The following NRXN3 variants were observed in gnomAD, a reference collection of about 807,000 sequenced individuals.
NRXN3 encodes the protein neurexin III.
In NRXN3, 32 loss-of-function variants were observed where a neutral mutation model predicts 137.6. That is an observed-to-expected ratio of 0.23 (90% CI 0.18 to 0.31). The LOEUF (loss-of-function observed/expected upper bound fraction) is 0.31, where lower values mean the gene tolerates loss of function less well. Among genes scored for constraint, NRXN3 ranks in the 10% least tolerant of loss-of-function variants. The probability of loss-of-function intolerance (pLI) is 1.00; values close to 1 mark genes in which losing one functional copy is unlikely to be tolerated. For synonymous variants in NRXN3, 798 were observed against 784.5 expected, an observed-to-expected ratio of 1.02 and a Z score of -0.29; for missense variants, 1,574 against 2,062.5, an observed-to-expected ratio of 0.76 and a Z score of 4.59.
intron 16 of NRXN3, among the ~76,000 whole-genome samples, chr14:79,644,638 C>T (rs2098445993): frequency 7.4e-6 from 1 of 135,948 alleles, no homozygotes. Context: ...TGAAATGAAG[C>T]ATTTACTACT....
intron 20 of NRXN3, among the ~76,000 whole-genome samples, chr14:79,851,345 T>C (rs964022145): frequency 9.9e-5 from 15 of 152,124 alleles, no homozygotes. Flanking sequence ...CAAGGGTTTT[T>C]CTTTTTCTAT....
At chr14:79,016,246 C>A (rs7142821) in intron 15 of NRXN3, among the ~76,000 whole-genome samples, 100,219 of 151,726 alleles carry the variant, frequency 0.66, 33,512 homozygotes, top group East Asian at 0.81. Flanking sequence ...TACACCTGGG[C>A]CATCCTTTTC....
chr14:78,549,504 GAGA>G (rs933400809), intron 4 of NRXN3, among the ~76,000 whole-genome samples: 1 of 152,172 alleles, frequency 6.6e-6, no homozygotes, highest in Non-Finnish European at 1.5e-5. Flanking sequence ...AGTGCTGTTT[GAGA>G]TAATTATCTG....
At chr14:78,287,005 G>A (rs2075251681) in intron 3 of NRXN3, among the ~76,000 whole-genome samples, 1 of 152,198 alleles carries the variant, frequency 6.6e-6, no homozygotes, top group Admixed American at 6.5e-5. Context: ...TGAGAGCAGT[G>A]GTCTGCAAAC....
At chr14:79,213,990 A>G (rs2068098310) in intron 15 of NRXN3, among the ~76,000 whole-genome samples, 1 of 152,262 alleles carries the variant, frequency 6.6e-6, no homozygotes, top group South Asian at 2.1e-4. Flanking sequence ...TTTCATGAAA[A>G]AATGCTGAAA....
intron 15 of NRXN3, among the ~76,000 whole-genome samples, chr14:79,110,009 T>C (rs901953561): frequency 6.6e-6 from 1 of 152,168 alleles, no homozygotes; most frequent in Non-Finnish European, 1.5e-5. Context: ...TAATAAGATA[T>C]GTAAATTAAA....
intron 15 of NRXN3, among the ~76,000 whole-genome samples, chr14:79,194,066 C>T (rs1486712516): frequency 5.9e-5 from 9 of 152,134 alleles, no homozygotes; most frequent in Non-Finnish European, 1.0e-4. Context: ...ATGTAATTAG[C>T]GCAATTTTCA....
intron 16 of NRXN3, among the ~76,000 whole-genome samples, chr14:79,544,537 T>C (rs2097301813): frequency 6.6e-6 from 1 of 152,194 alleles, no homozygotes; most frequent in Admixed American, 6.5e-5. Context: ...TGGACATCAA[T>C]AGGTAAAACC....
At chr14:79,302,731 C>G (rs1468025176) in intron 15 of NRXN3, among the ~76,000 whole-genome samples, 1 of 152,116 alleles carries the variant, frequency 6.6e-6, no homozygotes, top group East Asian at 1.9e-4. Context: ...CTCTGTCTCA[C>G]TCTCCTGCTG....
chr14:79,415,525 T>C (rs1235048305), intron 15 of NRXN3, among the ~76,000 whole-genome samples: 1 of 152,138 alleles, frequency 6.6e-6, no homozygotes, highest in East Asian at 1.9e-4. Context: ...GATTTTTGTG[T>C]CTGTGGGAGG....
At chr14:78,405,906 T>G (rs1371877747) in intron 4 of NRXN3, among the ~76,000 whole-genome samples, 1 of 152,230 alleles carries the variant, frequency 6.6e-6, no homozygotes, top group African/African-American at 2.4e-5. Context: ...TGCTGTTACA[T>G]TGTCTAGTTT....
At chr14:79,545,394 A>G (rs1169398342) in intron 16 of NRXN3, among the ~76,000 whole-genome samples, 1 of 152,080 alleles carries the variant, frequency 6.6e-6, no homozygotes, top group Non-Finnish European at 1.5e-5. Flanking sequence ...TGTTTTTAAA[A>G]ATGAACAATG....
At chr14:79,302,652 T>C (rs527576675) in intron 15 of NRXN3, among the ~76,000 whole-genome samples, 1 of 151,970 alleles carries the variant, frequency 6.6e-6, no homozygotes, top group South Asian at 2.1e-4. Context: ...TGAGGGCAGT[T>C]TCCCCCATCC....
At chr14:78,587,152 T>TA (rs1191687070) in intron 4 of NRXN3, among the ~76,000 whole-genome samples, 1 of 152,214 alleles carries the variant, frequency 6.6e-6, no homozygotes, top group Non-Finnish European at 1.5e-5. Flanking sequence ...TGCTCCTAGT[T>TA]AAAGAGTCAT....
chr14:79,704,523 T>A (rs2098768561), intron 19 of NRXN3, among the ~76,000 whole-genome samples: 1 of 152,174 alleles, frequency 6.6e-6, no homozygotes, highest in African/African-American at 2.4e-5. Flanking sequence ...TCCTTGCTTT[T>A]ACCACTAGAC....
At chr14:79,547,944 G>C (rs1459200244) in intron 16 of NRXN3, among the ~76,000 whole-genome samples, 2 of 152,146 alleles carry the variant, frequency 1.3e-5, no homozygotes, top group African/African-American at 4.8e-5. Context: ...CAATGCAGGG[G>C]AGGAGGGGTG....
intron 4 of NRXN3, among the ~76,000 whole-genome samples, chr14:78,545,197 C>T (rs7147592): frequency 0.062 from 9,496 of 152,180 alleles, 434 homozygotes; most frequent in African/African-American, 0.13. Context: ...GGGTGCATTG[C>T]TAACTGGCAC....
chr14:79,584,613 G>A (rs1460281909), intron 16 of NRXN3, among the ~76,000 whole-genome samples: 1 of 152,178 alleles, frequency 6.6e-6, no homozygotes, highest in African/African-American at 2.4e-5. Context: ...CTAGATAACA[G>A]TGTTTTATAC....
At chr14:79,011,544 T>G (rs1242490148) in intron 15 of NRXN3, among the ~76,000 whole-genome samples, 2 of 152,102 alleles carry the variant, frequency 1.3e-5, no homozygotes, top group African/African-American at 4.8e-5. Context: ...TAATTAAACT[T>G]ATTTGAAAAT....
Sources: gnomAD v4.1 joint callset for allele counts (sites outside exome capture counted in the v4.1 genomes callset) on GRCh38, gnomAD v4.1.1 for gene constraint, MANE v1.5 for transcripts, NCBI Gene and HGNC (gene_info 2026-07-23, HGNC 2026-07-21) for gene names.